The following FILIP1L variants were observed in gnomAD, a reference collection of about 807,000 sequenced individuals.
The protein encoded by FILIP1L is filamin A-interacting protein 1-like.
Under a neutral mutation model 96.6 loss-of-function variants are expected in FILIP1L, and 55 were observed. That is an observed-to-expected ratio of 0.57 (90% CI 0.46 to 0.71). The LOEUF (loss-of-function observed/expected upper bound fraction) is 0.71, where lower values mean the gene tolerates loss of function less well. FILIP1L is among the 30% of genes least tolerant of loss of function. The pLI is 0.00. For synonymous variants in FILIP1L, 467 were observed against 473.9 expected, an observed-to-expected ratio of 0.99 and a Z score of 0.19; for missense variants, 1,304 against 1,321.2, an observed-to-expected ratio of 0.99 and a Z score of 0.20.
intron 4 of FILIP1L, among the ~76,000 whole-genome samples, chr3:99,911,545 G>A (rs957767788): frequency 4.6e-5 from 7 of 151,882 alleles, no homozygotes; most frequent in African/African-American, 1.7e-4. Flanking sequence ...GTATGCCCTG[G>A]CTCTAAAATA....
At chr3:99,882,095 G>A (rs898869172) in intron 4 of FILIP1L, among the ~76,000 whole-genome samples, 4 of 152,092 alleles carry the variant, frequency 2.6e-5, no homozygotes, top group African/African-American at 9.7e-5. Flanking sequence ...CAATTCCTGA[G>A]CATAAATTTT....
intron 4 of FILIP1L, among the ~76,000 whole-genome samples, chr3:99,895,064 C>T (rs1184465382): frequency 6.6e-6 from 1 of 151,980 alleles, no homozygotes; most frequent in East Asian, 2.0e-4. Context: ...TCTGGAAATA[C>T]TCTTGCCCTC....
At position 99,849,417 on chromosome 3, in the gene FILIP1L, T is replaced by C. The variant is rs1478551567; in HGVS notation, c.2259A>G (p.Gln753=). The change falls in exon 5 of 6, where the codon CAA becomes CAG. Residue 753 remains glutamine (Q), a synonymous_variant. Transcript: ENST00000477258. Reference sequence around the variant, plus strand: ...TTCCTAAATCTCTGTTCCTGTTTTCTTGTTGATTTAGTTTTTTTTGCAGGA... The same window carrying C: ...TTCCTAAATCTCTGTTCCTGTTTTCCTGTTGATTTAGTTTTTTTTGCAGGA... ...HSVLQKKLNQ[Q]ENRNRDLGRE... is the part of the protein sequence containing the mutation. 6.2e-7 allele frequency: 1 copy of C among 1,614,236 alleles called. No homozygotes were observed. Among genetic ancestry groups the C allele is most frequent in the South Asian group, 1.1e-5 (1 of 91,084 alleles).
chr3:100,053,338 C>T (rs903798860), intron 1 of FILIP1L, among the ~76,000 whole-genome samples: 2 of 152,176 alleles, frequency 1.3e-5, no homozygotes, highest in African/African-American at 4.8e-5. Flanking sequence ...CCTTCAAAGG[C>T]CGTAGGGAAG....
intron 1 of FILIP1L, among the ~76,000 whole-genome samples, chr3:100,023,698 A>T (rs923655146): frequency 6.6e-6 from 1 of 152,066 alleles, no homozygotes; most frequent in African/African-American, 2.4e-5. Flanking sequence ...ATAAACCATG[A>T]TGTATGTCAT....
chr3:99,925,200 A>G (rs1339552744), intron 3 of FILIP1L, among the ~76,000 whole-genome samples: 6 of 152,232 alleles, frequency 3.9e-5, no homozygotes, highest in African/African-American at 1.4e-4. Context: ...TTCCATTAAA[A>G]TAGATCTATG....
At chr3:100,112,802 A>G (rs1020837009) in intron 1 of FILIP1L, among the ~76,000 whole-genome samples, 1 of 152,254 alleles carries the variant, frequency 6.6e-6, no homozygotes, top group Non-Finnish European at 1.5e-5. Context: ...ATTAACAAAC[A>G]GCTCTTACAG....
At chr3:100,053,313 A>C (rs2065405317) in intron 1 of FILIP1L, among the ~76,000 whole-genome samples, 1 of 152,204 alleles carries the variant, frequency 6.6e-6, no homozygotes, top group Non-Finnish European at 1.5e-5. Flanking sequence ...TCAAAGTGTC[A>C]GCAGGGCTAT....
At chr3:99,967,714 A>C (rs2107712425) in intron 1 of FILIP1L, among the ~76,000 whole-genome samples, 1 of 152,334 alleles carries the variant, frequency 6.6e-6, no homozygotes, top group East Asian at 1.9e-4. Context: ...GCTCAGAGCT[A>C]CAGAATGACA....
At chr3:99,967,450 C>T (rs1255930188) in intron 1 of FILIP1L, among the ~76,000 whole-genome samples, 1 of 152,172 alleles carries the variant, frequency 6.6e-6, no homozygotes, top group East Asian at 1.9e-4. Flanking sequence ...GAATTTAATG[C>T]ATTGCAGGAA....
chr3:99,849,596 CTG>C lies in FILIP1L; in HGVS notation c.2078_2079del (p.Thr693ArgfsTer5). ...AAAAGCCATTGTTCATGGCTGGTCT[CTG>C]TCTTTTCTGCTAACTTGTACTTAGC... ...ELAKYKLAEK[T>X]ETSHEQWLFK... On this transcript the variant is annotated frameshift_variant, in exon 5 of 6. Transcript: ENST00000477258. LOFTEE classifies it high-confidence loss of function. The C allele has an allele frequency of 6.2e-7, 1 of 1,613,530 alleles. No homozygotes were observed. The highest frequency in any genetic ancestry group is 8.5e-7 in the Non-Finnish European group (1 of 1,180,002).
chr3:100,013,682 A>C (rs1372065133), intron 1 of FILIP1L, among the ~76,000 whole-genome samples: 1 of 152,166 alleles, frequency 6.6e-6, no homozygotes, highest in Non-Finnish European at 1.5e-5. Context: ...ATTTTTTCCT[A>C]GTTTTATTAA....
At position 99,918,869 on chromosome 3, in the gene FILIP1L, G is replaced by C. The variant is rs897218883; in HGVS notation, c.605+5361C>G. On this transcript the variant is annotated intron_variant, in intron 4 of 5. Transcript: ENST00000477258. The stretch of plus-strand genomic sequence containing the variant: ...CAAAGAACTAGATGCCCATGACAAA[G>C]GTCAAATGGAGATCTGGCATCCATT... 3.9e-5 allele frequency among the ~76,000 whole-genome samples: 6 copies of C among 152,254 alleles called. No homozygotes were observed. The East Asian group carries it at 1.2e-3, about 29-fold the overall frequency.
intron 1 of FILIP1L, among the ~76,000 whole-genome samples, chr3:100,087,593 G>C (rs2066032768): frequency 6.6e-6 from 1 of 151,834 alleles, no homozygotes; most frequent in Non-Finnish European, 1.5e-5. Context: ...TCTTATTATT[G>C]AGTTTTGAGA....
chr3:99,886,042 G>C (rs1314266408), intron 4 of FILIP1L, among the ~76,000 whole-genome samples: 1 of 152,218 alleles, frequency 6.6e-6, no homozygotes, highest in Non-Finnish European at 1.5e-5. Context: ...GTGGATAAAA[G>C]AGGTATTACA....
At position 99,831,038 on chromosome 3, in the gene FILIP1L, C is replaced by A. The variant is rs143171866; in HGVS notation, c.3382-433G>T. On this transcript the variant is annotated intron_variant, in intron 5 of 5. Coordinates refer to ENST00000477258, the MANE Select transcript of FILIP1L (RefSeq NM_001387850.1). Reference sequence around the variant, plus strand: ...GTTTTCACAGTATGAGTGAGATGGGCAGCTCCAATGATGATTAGTGGAACA... The same window carrying A: ...GTTTTCACAGTATGAGTGAGATGGGAAGCTCCAATGATGATTAGTGGAACA... Among the ~76,000 whole-genome samples the A allele has an allele frequency of 1.5e-3, 232 of 152,276 alleles. 1 individual carries two copies. The highest frequency in any genetic ancestry group is 6.0e-3 in the South Asian group (29 of 4,830).
chr3:99,899,995 C>G (rs909774555), intron 4 of FILIP1L, among the ~76,000 whole-genome samples: 1 of 152,086 alleles, frequency 6.6e-6, no homozygotes, highest in Admixed American at 6.5e-5. Flanking sequence ...TCGTATAATT[C>G]TGAGGTCAGA....
At chr3:99,882,238 C>T (rs1705753063) in intron 4 of FILIP1L, among the ~76,000 whole-genome samples, 1 of 152,038 alleles carries the variant, frequency 6.6e-6, no homozygotes, top group Admixed American at 6.6e-5. Flanking sequence ...TTAAAACGTC[C>T]CTTTCGGTTC....
rs145772079 is a variant in FILIP1L at position 100,075,908 on chromosome 3, G to C, written c.-11+38145C>G. The stretch of plus-strand genomic sequence containing the variant: ...TCTGGGGTATTAGGATTCGATTCAG[G>C]AGAGCTGAGTTGGAGCCTAGAAATC... On this transcript the variant is annotated intron_variant, in intron 1 of 5. Coordinates refer to ENST00000477258, the MANE Select transcript of FILIP1L (RefSeq NM_001387850.1). 7.3e-3 allele frequency among the ~76,000 whole-genome samples: 1,113 copies of C among 152,262 alleles called. 19 individuals carry two copies. Among genetic ancestry groups the C allele is most frequent in the African/African-American group, 0.025 (1,027 of 41,542 alleles).
Sources: allele counts gnomAD v4.1 joint callset (sites outside exome capture counted in the v4.1 genomes callset), GRCh38; gene constraint gnomAD v4.1.1; transcripts MANE v1.5; gene names NCBI Gene and HGNC (gene_info 2026-07-23, HGNC 2026-07-21).